Variants in ATF7IP observed in about 807,000 individuals in gnomAD.
The protein encoded by ATF7IP is activating transcription factor 7 interacting protein.
A neutral mutation model predicts 106.4 loss-of-function variants in ATF7IP; 23 were observed. That is an observed-to-expected ratio of 0.22 (90% CI 0.16 to 0.31). ATF7IP has a LOEUF of 0.31. ATF7IP is among the 10% of genes least tolerant of loss of function. The pLI is 1.00. For missense variants in ATF7IP, 1,334 were observed against 1,524.3 expected, an observed-to-expected ratio of 0.88 and a Z score of 2.08; for synonymous variants, 542 against 539.0, an observed-to-expected ratio of 1.01 and a Z score of -0.08.
chr12:14,439,191 A>G (rs916989060), intron 5 of ATF7IP, among the ~76,000 whole-genome samples: 1 of 152,206 alleles, frequency 6.6e-6, no homozygotes, highest in Non-Finnish European at 1.5e-5. Context: ...CAGTACATTC[A>G]TTCTGTCATA....
At chr12:14,459,852 G>T (rs1342412153) in intron 8 of ATF7IP, among the ~76,000 whole-genome samples, 1 of 152,286 alleles carries the variant, frequency 6.6e-6, no homozygotes, top group African/African-American at 2.4e-5. Context: ...CTGTTCTTCT[G>T]TATATGCTAC....
intron 10 of ATF7IP, among the ~76,000 whole-genome samples, chr12:14,470,293 G>C (rs1943991547): frequency 6.6e-6 from 1 of 152,118 alleles, no homozygotes; most frequent in Non-Finnish European, 1.5e-5. Flanking sequence ...AATTTTCTTA[G>C]TGTTTGCTTA....
intron 2 of ATF7IP, among the ~76,000 whole-genome samples, chr12:14,427,525 C>T (rs1297400403): frequency 6.6e-6 from 1 of 152,158 alleles, no homozygotes; most frequent in Non-Finnish European, 1.5e-5. Flanking sequence ...GACACCACGC[C>T]TGGCTAATTT....
At position 14,424,560 on chromosome 12, in the gene ATF7IP, C is replaced by T; in HGVS notation, c.645C>T (p.Val215=). 6.2e-7 allele frequency: 1 copy of T among 1,614,148 alleles called. No individual in the cohort carries two copies. The highest frequency in any genetic ancestry group is 1.3e-5 in the African/African-American group (1 of 75,020). ...TSSDPIPGEP[V]PVEPISGDCA... is the part of the protein sequence containing the mutation. ...GTGATCCCATCCCAGGTGAACCGGT[C>T]CCTGTTGAACCCATTTCTGGTGATT... The change falls in exon 2 of 15, where the codon GTC becomes GTT. Residue 215 remains valine, a synonymous_variant. Transcript: ENST00000261168.
chr12:14,429,386 G>A (rs893046118), intron 2 of ATF7IP, among the ~76,000 whole-genome samples: 2 of 151,786 alleles, frequency 1.3e-5, no homozygotes, highest in African/African-American at 4.8e-5. Flanking sequence ...GGAAAAATAG[G>A]GATAGGCCTC....
intron 9 of ATF7IP, among the ~76,000 whole-genome samples, chr12:14,462,181 AATTATT>A (rs1943667721): frequency 6.6e-6 from 1 of 152,072 alleles, no homozygotes; most frequent in Admixed American, 6.5e-5. Flanking sequence ...ATGAAAGTGT[AATTATT>A]ATTTATAGTA....
At chr12:14,446,339 G>A (rs887435987) in intron 5 of ATF7IP, among the ~76,000 whole-genome samples, 1 of 151,962 alleles carries the variant, frequency 6.6e-6, no homozygotes, top group African/African-American at 2.4e-5. Context: ...GTAGAGATGG[G>A]GTTTCACCAT....
chr12:14,405,927 A>T (rs1326851702), intron 1 of ATF7IP, among the ~76,000 whole-genome samples: 1 of 152,296 alleles, frequency 6.6e-6, no homozygotes, highest in South Asian at 2.1e-4. Context: ...GCTTTGAATA[A>T]TGTTTTGCAA....
chr12:14,369,291 A>G (rs567375699), intron 1 of ATF7IP: 2 of 152,126 alleles, frequency 1.3e-5, no homozygotes, highest in South Asian at 2.1e-4. Context: ...TTTCTACAGC[A>G]CTTGTCTGCC....
At chr12:14,447,899 A>T (rs2136668599) in intron 6 of ATF7IP, among the ~76,000 whole-genome samples, 1 of 152,204 alleles carries the variant, frequency 6.6e-6, no homozygotes, top group South Asian at 2.1e-4. Flanking sequence ...GCATAAATTG[A>T]CTTCCATAGT....
At chr12:14,387,639 C>G (rs554177322) in intron 1 of ATF7IP, among the ~76,000 whole-genome samples, 1 of 152,218 alleles carries the variant, frequency 6.6e-6, no homozygotes, top group Non-Finnish European at 1.5e-5. Flanking sequence ...ATTGCTAATT[C>G]TTTCCCTGCT....
chr12:14,446,155 G>GT (rs578250934), intron 5 of ATF7IP, among the ~76,000 whole-genome samples: 3,070 of 146,238 alleles, frequency 0.021, 98 homozygotes, highest in African/African-American at 0.072. Context: ...TTTGTTTTTT[G>GT]TTTTTTTTTT....
At position 14,424,257 on chromosome 12, in the gene ATF7IP, C is replaced by G. The variant is rs1257479025; in HGVS notation, c.342C>G (p.Pro114=). 3.7e-6 allele frequency: 6 copies of G among 1,614,160 alleles called. No homozygotes were observed. The East Asian group carries it at 8.9e-5, about 24-fold the overall frequency. The change falls in exon 2 of 15, where the codon CCC becomes CCG. Residue 114 remains proline, a synonymous_variant. Transcript: ENST00000261168. The part of the protein sequence containing the change: ...DDDLNCEPLS[P]HNITPEPVSK... ...ATTTAAATTGTGAACCTTTGTCTCC[C>G]CATAATATAACTCCAGAACCAGTCT...
At chr12:14,367,510 A>G (rs1938357917) in intron 1 of ATF7IP, 1 of 152,076 alleles carries the variant, frequency 6.6e-6, no homozygotes. Flanking sequence ...CCTTTCTACC[A>G]CATGCTATTT....
intron 1 of ATF7IP, among the ~76,000 whole-genome samples, chr12:14,401,521 TC>T (rs1303195617): frequency 6.6e-6 from 1 of 151,628 alleles, no homozygotes; most frequent in Non-Finnish European, 1.5e-5. Context: ...GTGATGCTTC[TC>T]TGTCATAGTT....
chr12:14,450,309 G>T (rs1195232510), intron 6 of ATF7IP, among the ~76,000 whole-genome samples: 1 of 152,162 alleles, frequency 6.6e-6, no homozygotes, highest in Non-Finnish European at 1.5e-5. Flanking sequence ...GAGTTTTCAT[G>T]TATGGCCTTT....
At chr12:14,452,738 T>C (rs1943253855) in intron 6 of ATF7IP, among the ~76,000 whole-genome samples, 1 of 152,154 alleles carries the variant, frequency 6.6e-6, no homozygotes, top group African/African-American at 2.4e-5. Context: ...TTAAAAGTGG[T>C]TTATGCACCA....
At chr12:14,442,661 T>C (rs1050500963) in intron 5 of ATF7IP, among the ~76,000 whole-genome samples, 3 of 152,250 alleles carry the variant, frequency 2.0e-5, no homozygotes, top group Admixed American at 6.5e-5. Flanking sequence ...TGTTTTAGTA[T>C]AATTATCCAG....
At chr12:14,449,248 G>C (rs946878793) in intron 6 of ATF7IP, among the ~76,000 whole-genome samples, 1 of 151,964 alleles carries the variant, frequency 6.6e-6, no homozygotes, top group African/African-American at 2.4e-5. Context: ...TTTTCCGTAT[G>C]TTTTCTTGTA....
Sources: allele counts gnomAD v4.1 joint callset (sites outside exome capture counted in the v4.1 genomes callset), GRCh38; gene constraint gnomAD v4.1.1; transcripts MANE v1.5; gene names NCBI Gene and HGNC (gene_info 2026-07-23, HGNC 2026-07-21).